CDH18: variants seen among roughly 807,000 people sequenced by gnomAD.
CDH18 encodes cadherin 18.
CDH18 carries 31 observed loss-of-function variants against 67.9 expected under a neutral mutation model. The observed-to-expected ratio is 0.46, with a 90% CI of 0.34 to 0.62. The LOEUF (loss-of-function observed/expected upper bound fraction) is 0.62, where lower values mean the gene tolerates loss of function less well. Ranked by LOEUF, CDH18 falls within the 20% of genes least tolerant of loss-of-function variation. The pLI, the probability that CDH18 is intolerant of heterozygous loss-of-function variation, is 0.01. For synonymous variants in CDH18, 362 were observed against 347.2 expected (o/e 1.04, Z -0.48); for missense variants, 890 against 975.5 (o/e 0.91, Z 1.17).
intron 5 of CDH18, among the ~76,000 whole-genome samples, chr5:19,694,574 C>G (rs1189532412): frequency 6.6e-6 from 1 of 152,016 alleles, no homozygotes; most frequent in Non-Finnish European, 1.5e-5. Context: ...AGTTCATGTA[C>G]ATATTCACCA....
chr5:20,437,692 A>G (rs765286909), intron 1 of CDH18, among the ~76,000 whole-genome samples: 24 of 151,518 alleles, frequency 1.6e-4, no homozygotes, highest in Admixed American at 6.6e-4. Context: ...GAGAGTTTGC[A>G]TGTTTTTTAA....
intron 2 of CDH18, among the ~76,000 whole-genome samples, chr5:20,051,668 A>C (rs1741428827): frequency 6.6e-6 from 1 of 152,022 alleles, no homozygotes; most frequent in Admixed American, 6.6e-5. Context: ...ATAGATTTGC[A>C]GAAATGGAGA....
At chr5:20,251,660 G>A (rs1007167816) in intron 2 of CDH18, among the ~76,000 whole-genome samples, 1 of 152,170 alleles carries the variant, frequency 6.6e-6, no homozygotes, top group African/African-American at 2.4e-5. Flanking sequence ...AGGCAGGAGG[G>A]AGCTACAGTT....
At chr5:20,132,938 A>G (rs1352957722) in intron 2 of CDH18, among the ~76,000 whole-genome samples, 1 of 151,970 alleles carries the variant, frequency 6.6e-6, no homozygotes, top group Non-Finnish European at 1.5e-5. Flanking sequence ...TTTTTTTATT[A>G]CTAGGCAGTC....
At chr5:19,619,959 C>T (rs1750435389) in intron 5 of CDH18, among the ~76,000 whole-genome samples, 1 of 151,922 alleles carries the variant, frequency 6.6e-6, no homozygotes, top group Non-Finnish European at 1.5e-5. Context: ...TAGCTGCAAG[C>T]TTGATGGATT....
At chr5:20,046,243 T>A (rs1191232322) in intron 2 of CDH18, among the ~76,000 whole-genome samples, 1 of 151,720 alleles carries the variant, frequency 6.6e-6, no homozygotes. Flanking sequence ...ATGAAAGAAG[T>A]ACAGAAATTC....
At chr5:20,082,271 A>G (rs1355969793) in intron 2 of CDH18, among the ~76,000 whole-genome samples, 3 of 152,194 alleles carry the variant, frequency 2.0e-5, no homozygotes, top group African/African-American at 7.2e-5. Flanking sequence ...TATTTTTGGA[A>G]GTAATGCTTC....
chr5:19,519,102 T>G (rs1746481878), intron 10 of CDH18, among the ~76,000 whole-genome samples: 1 of 152,162 alleles, frequency 6.6e-6, no homozygotes, highest in Admixed American at 6.5e-5. Context: ...CACTGCTGGA[T>G]GGAGCTCTTT....
chr5:20,209,849 C>G (rs1312630666), intron 2 of CDH18, among the ~76,000 whole-genome samples: 3 of 151,442 alleles, frequency 2.0e-5, no homozygotes, highest in Non-Finnish European at 4.4e-5. Flanking sequence ...GAATATGTGC[C>G]CTGATATAAA....
intron 12 of CDH18, among the ~76,000 whole-genome samples, chr5:19,478,109 A>G (rs1738791529): frequency 6.6e-6 from 1 of 151,996 alleles, no homozygotes; most frequent in Non-Finnish European, 1.5e-5. Flanking sequence ...CATTTTTTGT[A>G]TTTGTTTTCT....
intron 1 of CDH18, among the ~76,000 whole-genome samples, chr5:20,554,572 C>T (rs57444212): frequency 0.027 from 4,121 of 152,216 alleles, 94 homozygotes; most frequent in African/African-American, 0.064. Flanking sequence ...TCAATGATTA[C>T]ACATTGGATC....
chr5:20,411,923 T>A (rs1240691257), intron 1 of CDH18, among the ~76,000 whole-genome samples: 1 of 152,084 alleles, frequency 6.6e-6, no homozygotes, highest in Non-Finnish European at 1.5e-5. Flanking sequence ...GCTCATGGAA[T>A]GAAAGGATCA....
At chr5:19,654,311 G>C (rs1204392962) in intron 5 of CDH18, among the ~76,000 whole-genome samples, 1 of 152,146 alleles carries the variant, frequency 6.6e-6, no homozygotes, top group Non-Finnish European at 1.5e-5. Context: ...TAACTAAAAA[G>C]TGAAAATCCT....
At chr5:19,792,126 A>G (rs1419902853) in intron 3 of CDH18, among the ~76,000 whole-genome samples, 1 of 152,132 alleles carries the variant, frequency 6.6e-6, no homozygotes, top group Non-Finnish European at 1.5e-5. Flanking sequence ...CATGATTTCT[A>G]GATGTGTCTA....
intron 1 of CDH18, among the ~76,000 whole-genome samples, chr5:20,277,570 T>A (rs1457310795): frequency 1.3e-5 from 2 of 152,054 alleles, no homozygotes; most frequent in African/African-American, 4.8e-5. Flanking sequence ...GCCCAGAATA[T>A]GAAGACTATA....
chr5:19,825,849 A>G (rs1780350932), intron 3 of CDH18, among the ~76,000 whole-genome samples: 1 of 152,138 alleles, frequency 6.6e-6, no homozygotes, highest in African/African-American at 2.4e-5. Context: ...TCAAATGACC[A>G]TGGTTGCTTC....
intron 1 of CDH18, among the ~76,000 whole-genome samples, chr5:20,316,206 A>C (rs1437583896): frequency 3.9e-5 from 6 of 152,138 alleles, no homozygotes; most frequent in African/African-American, 1.4e-4. Flanking sequence ...AAAATTGTTA[A>C]ATCCATGAGT....
At chr5:19,899,373 CTGGG>C (rs1273438301) in intron 2 of CDH18, among the ~76,000 whole-genome samples, 2 of 148,288 alleles carry the variant, frequency 1.3e-5, no homozygotes, top group Admixed American at 1.4e-4. Flanking sequence ...GCACTCCAGC[CTGGG>C]TGACAGAGAG....
In CDH18 at chr5:19,821,914, T is replaced by C. The variant is rs139045553; in HGVS notation, c.228+16845A>G. ...ATCTTTTCTCGACAAGCAACTGCTA[T>C]GGGAATTTCCTACCACTAGACCAGC... On this transcript the variant is annotated intron_variant, in intron 3 of 12. Coordinates refer to ENST00000382275, the MANE Select transcript of CDH18 (RefSeq NM_004934.5). Among the ~76,000 whole-genome samples the C allele has an allele frequency of 2.4e-3, 358 of 152,256 alleles. 1 individual carries two copies. Among genetic ancestry groups the C allele is most frequent in the African/African-American group, 8.3e-3 (343 of 41,554 alleles).
Sources: allele counts gnomAD v4.1 joint callset (sites outside exome capture counted in the v4.1 genomes callset), GRCh38; gene constraint gnomAD v4.1.1; transcripts MANE v1.5; gene names NCBI Gene and HGNC (gene_info 2026-07-23, HGNC 2026-07-21).